The following PSD4 variants were observed in gnomAD, a reference collection of about 807,000 sequenced individuals.
The protein encoded by PSD4 is pleckstrin and Sec7 domain containing 4, also known as PH and SEC7 domain-containing protein 4.
Under a neutral mutation model 112.5 loss-of-function variants are expected in PSD4, and 59 were observed. That is an observed-to-expected ratio of 0.52 (90% CI 0.43 to 0.65). PSD4 has a LOEUF of 0.65. Among genes scored for constraint, PSD4 ranks in the 30% least tolerant of loss-of-function variants. The pLI, the probability that PSD4 is intolerant of heterozygous loss-of-function variation, is 0.00. For missense variants in PSD4, 1,267 were observed against 1,352.6 expected (o/e 0.94, Z 0.99); for synonymous variants, 533 against 540.0 (o/e 0.99, Z 0.18).
chr2:113,177,589 C>T (rs551787911), intron 1 of PSD4, among the ~76,000 whole-genome samples: 39 of 152,294 alleles, frequency 2.6e-4, no homozygotes, highest in Non-Finnish European at 3.7e-4. Flanking sequence ...CTTACGTCAA[C>T]GCTAACCTTT....
rs779565574 is a variant in PSD4 at position 113,201,411 on chromosome 2, T to C, written c.3167T>C (p.Leu1056Pro). Residue 1056 changes from leucine (L) to proline (P), a missense_variant, in exon 17 of 17, where the codon CTG becomes CCG. Coordinates refer to ENST00000245796, the MANE Select transcript of PSD4 (RefSeq NM_012455.3). ...ATCCCTAAGCGGAACCGCAATCAGC[T>C]GTGAAGCCAGCACCACCTCAGAGAC... is the stretch of plus-strand genomic sequence containing the variant. ...KIIPKRNRNQ[L>P] The C allele has an allele frequency of 1.1e-5, 18 of 1,613,422 alleles. No individual in the cohort carries two copies. Among genetic ancestry groups the C allele is most frequent in the Non-Finnish European group, 1.0e-5 (12 of 1,179,946 alleles).
At chr2:113,192,307 G>A in intron 5 of PSD4, 73 bp from the exon 6 acceptor site, 1 of 1,474,988 alleles carries the variant, frequency 6.8e-7, no homozygotes, top group South Asian at 1.1e-5. Flanking sequence ...TCAAGGCGCT[G>A]AGCTCGGGGA....
intron 10 of PSD4, 132 bp downstream of exon 10, chr2:113,194,080 A>G: frequency 1.2e-6 from 1 of 806,088 alleles, no homozygotes; most frequent in South Asian, 1.8e-5. Flanking sequence ...TGTTTATTGA[A>G]GGGCTAGTAA....
At chr2:113,180,213 C>T (rs961904831) in intron 1 of PSD4, among the ~76,000 whole-genome samples, 10 of 152,130 alleles carry the variant, frequency 6.6e-5, no homozygotes, top group Non-Finnish European at 1.5e-4. Flanking sequence ...GTGGGCCAAG[C>T]CTGGGCTGAA....
chr2:113,194,044 C>A, intron 10 of PSD4, 96 bp downstream of exon 10: 1 of 1,193,780 alleles, frequency 8.4e-7, no homozygotes, highest in Non-Finnish European at 1.2e-6. Flanking sequence ...CTGGCTTTGC[C>A]AAAATATCCT....
Position 113,183,461 on chromosome 2 carries a change from G to A in PSD4, c.1005G>A (p.Val335=). 4 of 1,591,136 alleles carry A rather than the reference G, an allele frequency of 2.5e-6. No individual in the cohort carries two copies. Among genetic ancestry groups the A allele is most frequent in the Non-Finnish European group, 3.4e-6 (4 of 1,169,842 alleles). The part of the protein sequence containing the change: ...YKPHSICWAS[V]AAAEGAPAAP... ...CACACTCCATCTGCTGGGCCTCAGT[G>A]GCTGCCGCTGAGGGGGCTCCTGCAG... The change falls in exon 2 of 17, where the codon GTG becomes GTA. Residue 335 remains valine (V), a synonymous_variant. Coordinates refer to ENST00000245796, the MANE Select transcript of PSD4 (RefSeq NM_012455.3).
intron 8 of PSD4, 74 bp from the exon 9 acceptor site, chr2:113,193,507 TCGGTTACCCCA>T: frequency 6.6e-7 from 1 of 1,518,058 alleles, no homozygotes; most frequent in Non-Finnish European, 9.1e-7. Flanking sequence ...CAGGGGTTAT[TCGGTTACCCCA>T]CGCAGTGTGG....
intron 14 of PSD4, chr2:113,198,446 AT>A: frequency 3.1e-6 from 1 of 324,920 alleles, no homozygotes; most frequent in Non-Finnish European, 5.6e-6. Flanking sequence ...TAATTTGTGT[AT>A]TTTTAGTAGA....
At position 113,183,020 on chromosome 2, in the gene PSD4, C is replaced by T. The variant is rs1459872681; in HGVS notation, c.564C>T (p.Leu188=). ...EGLKAGLKCC[L]PTPPVDLPGD... ...TCAAGGCTGGGCTGAAATGCTGTCT[C>T]CCCACGCCCCCTGTGGACCTCCCCG... Residue 188 remains leucine, a synonymous_variant, in exon 2 of 17, where the codon CTC becomes CTT. Coordinates refer to ENST00000245796, the MANE Select transcript of PSD4 (RefSeq NM_012455.3). 1 of 1,613,968 alleles carries T rather than the reference C, an allele frequency of 6.2e-7. No individual in the cohort carries two copies. Among genetic ancestry groups the T allele is most frequent in the African/African-American group, 1.3e-5 (1 of 75,028 alleles).
At chr2:113,185,474 T>C (rs1688272311) in intron 4 of PSD4, 34 bp downstream of exon 4, 2 of 1,613,860 alleles carry the variant, frequency 1.2e-6, no homozygotes, top group African/African-American at 2.7e-5. Flanking sequence ...GGAAATTGGG[T>C]CCTGGGAGGA....
intron 16 of PSD4, among the ~76,000 whole-genome samples, chr2:113,199,461 T>C (rs1261339808): frequency 6.6e-6 from 1 of 152,226 alleles, no homozygotes; most frequent in Non-Finnish European, 1.5e-5. Context: ...GCCTGTCGCC[T>C]CTCGTCCTGG....
chr2:113,177,197 A>G (rs1167984188), intron 1 of PSD4, among the ~76,000 whole-genome samples: 1 of 152,062 alleles, frequency 6.6e-6, no homozygotes, highest in Non-Finnish European at 1.5e-5. Context: ...TGGAGAGGGG[A>G]GGATGAGGTG....
chr2:113,205,217 CTCGGCCTCCCAAAGCATTGGGATCA>C lies in PSD4; in HGVS notation c.*3803_*3827del, dbSNP rs1688846226. On this transcript the variant is annotated 3_prime_UTR_variant, in exon 17 of 17. Coordinates refer to ENST00000245796, the MANE Select transcript of PSD4 (RefSeq NM_012455.3). ...TCCTGACCTCAAGTGATCCAGCTGC[CTCGGCCTCCCAAAGCATTGGGATCA>C]CAGGCGTGAGCCAACGTGCCTGGCC... The C allele has an allele frequency of 6.6e-6, 1 of 152,264 alleles. No homozygotes were observed. Among genetic ancestry groups the C allele is most frequent in the Non-Finnish European group, 1.5e-5 (1 of 68,104 alleles). The allele number at this position is 152,264 out of a possible 1,614,324, so 9.4% of individuals were successfully genotyped here. A position where few individuals can be genotyped will look rare whatever the true frequency, so the allele number is the denominator to read the frequency against.
In PSD4 at chr2:113,185,001, C is replaced by T. The variant is rs373584220; in HGVS notation, c.1101C>T (p.Asp367=). ...GPAPSAAPCV[D]EALTWESGCV... is the part of the protein sequence containing the mutation. ...CTCCATCTGCAGCACCGTGTGTGGA[C>T]GAAGCATTGACCTGGGAATCAGGAT... Residue 367 remains aspartate, a synonymous_variant, in exon 3 of 17, where the codon GAC becomes GAT. Transcript: ENST00000245796. 136 of 1,614,246 alleles carry T rather than the reference C, an allele frequency of 8.4e-5. 2 individuals are homozygous for T. In the South Asian group the frequency reaches 1.1e-3, roughly 13 times the overall value.
rs935616370 is a variant in PSD4 at position 113,208,282 on chromosome 2, A to C, written c.*6867A>C. 1 of 152,216 alleles carries C rather than the reference A, an allele frequency of 6.6e-6. No individual in the cohort carries two copies. Among genetic ancestry groups the C allele is most frequent in the African/African-American group, 2.4e-5 (1 of 41,452 alleles). The allele number at this position is 152,216 out of a possible 1,614,324, so 9.4% of individuals were successfully genotyped here. A position where few individuals can be genotyped will look rare whatever the true frequency, so the allele number is the denominator to read the frequency against. On this transcript the variant is annotated 3_prime_UTR_variant, in exon 17 of 17. Coordinates refer to ENST00000245796, the MANE Select transcript of PSD4 (RefSeq NM_012455.3). ...AGATAGTTTCTGGAAGAAGTCTCTA[A>C]ATCTAAGCCTTCAACTCTCATCTCT...
At position 113,207,454 on chromosome 2, in the gene PSD4, CTTTTTTTTTTTT is replaced by C. The variant is rs397985506; in HGVS notation, c.*6048_*6059del. 1 of 95,514 alleles carries C rather than the reference CTTTTTTTTTTTT, an allele frequency of 1.0e-5. No homozygotes were observed. Among genetic ancestry groups the C allele is most frequent in the African/African-American group, 4.1e-5 (1 of 24,656 alleles). The allele number at this position is 95,514 out of a possible 1,614,324, so 5.9% of individuals were successfully genotyped here. On this transcript the variant is annotated 3_prime_UTR_variant, in exon 17 of 17. Transcript: ENST00000245796. ...TAACTCTCCTCTCCTCTCTCCTCTT[CTTTTTTTTTTTT>C]TTTTTTTTGAGATGGAGTCTTGCTC...
Position 113,202,312 on chromosome 2 carries a change from A to T in PSD4, c.*897A>T, listed in dbSNP as rs1688796285. Reference sequence around the variant, plus strand: ...GAGGATAGAGAGGTAAAAGGTGGCGACAGTTTCCCTTAGGGGTCTGCCTGG... The same window carrying T: ...GAGGATAGAGAGGTAAAAGGTGGCGTCAGTTTCCCTTAGGGGTCTGCCTGG... On this transcript the variant is annotated 3_prime_UTR_variant, in exon 17 of 17. Transcript: ENST00000245796. The T allele has an allele frequency of 6.6e-6, 1 of 152,324 alleles. No individual in the cohort carries two copies. The highest frequency in any genetic ancestry group is 2.4e-5 in the African/African-American group (1 of 41,464). The allele number at this position is 152,324 out of a possible 1,614,324, so 9.4% of individuals were successfully genotyped here.
rs752617350 is a variant in PSD4 at position 113,183,258 on chromosome 2, T to C, written c.802T>C (p.Trp268Arg). The C allele has an allele frequency of 8.7e-6, 14 of 1,613,936 alleles. No individual in the cohort carries two copies. The highest frequency in any genetic ancestry group is 1.2e-5 in the Non-Finnish European group (14 of 1,179,976). ...CAGTGCTTCTGGAGAGTGCTTTTCC[T>C]GGGGGGCTTCAGACTCCCATGCAGG... ...ENSASGECFS[W>R]GASDSHAGVR... Residue 268 changes from tryptophan (W) to arginine (R), a missense_variant, in exon 2 of 17, where the codon TGG (tryptophan) becomes CGG (arginine). By Grantham distance (101) the Trp-to-Arg change is moderately radical. Coordinates refer to ENST00000245796, the MANE Select transcript of PSD4 (RefSeq NM_012455.3).
At position 113,197,712 on chromosome 2, in the gene PSD4, T is replaced by C. The variant is rs45485798; in HGVS notation, c.2458-35T>C. 1,948 of 1,609,158 alleles carry C rather than the reference T, an allele frequency of 1.2e-3. 1 individual carries two copies. Among genetic ancestry groups the C allele is most frequent in the Non-Finnish European group, 1.6e-3 (1,864 of 1,175,998 alleles). On this transcript the variant is annotated intron_variant, in intron 13 of 16. Coordinates refer to ENST00000245796, the MANE Select transcript of PSD4 (RefSeq NM_012455.3). ...AACAGTCTGGAGGGTGGGCAGCTGA[T>C]GATAACCTCTTCTCTGAGCCCCTGT... is the stretch of plus-strand genomic sequence containing the variant.
Sources: allele counts gnomAD v4.1 joint callset (sites outside exome capture counted in the v4.1 genomes callset), GRCh38; gene constraint gnomAD v4.1.1; transcripts MANE v1.5; gene names NCBI Gene and HGNC (gene_info 2026-07-23, HGNC 2026-07-21).